PDGFD: variants seen among roughly 807,000 people sequenced by gnomAD.
The protein encoded by PDGFD is platelet-derived growth factor D.
A neutral mutation model predicts 44.7 loss-of-function variants in PDGFD; 30 were observed. The observed-to-expected ratio is 0.67, with a 90% confidence interval of 0.50 to 0.91. PDGFD has a LOEUF of 0.91. PDGFD is among the 40% of genes least tolerant of loss of function. The probability of loss-of-function intolerance (pLI) is 0.00; values close to 1 mark genes in which losing one functional copy is unlikely to be tolerated. For synonymous variants in PDGFD, 173 were observed against 168.4 expected (o/e 1.03, Z -0.21); for missense variants, 445 against 457.8 (o/e 0.97, Z 0.25).
At chr11:103,986,985 A>T (rs533307979) in intron 3 of PDGFD, among the ~76,000 whole-genome samples, 7 of 152,214 alleles carry the variant, frequency 4.6e-5, no homozygotes, top group East Asian at 1.9e-4. Flanking sequence ...GCAACCAGGA[A>T]CTGACTGAGC....
At chr11:103,916,552 C>A (rs1181025512) in intron 6 of PDGFD, among the ~76,000 whole-genome samples, 1 of 152,040 alleles carries the variant, frequency 6.6e-6, no homozygotes, top group Non-Finnish European at 1.5e-5. Context: ...GATCTAGAAC[C>A]AGAAATATCA....
At chr11:104,146,362 T>C (rs1047949304) in intron 1 of PDGFD, among the ~76,000 whole-genome samples, 3 of 152,180 alleles carry the variant, frequency 2.0e-5, no homozygotes, top group South Asian at 2.1e-4. Context: ...ACAATTGCCA[T>C]GGACATCAGT....
intron 1 of PDGFD, among the ~76,000 whole-genome samples, chr11:104,126,390 T>C (rs1861841391): frequency 6.6e-6 from 1 of 152,110 alleles, no homozygotes; most frequent in African/African-American, 2.4e-5. Flanking sequence ...CTAAAAGACA[T>C]CATCAGTATC....
intron 1 of PDGFD, among the ~76,000 whole-genome samples, chr11:104,083,854 C>T (rs1184183805): frequency 6.6e-6 from 1 of 152,092 alleles, no homozygotes; most frequent in Non-Finnish European, 1.5e-5. Flanking sequence ...GGCAGCATTG[C>T]CAGATAGACA....
intron 1 of PDGFD, among the ~76,000 whole-genome samples, chr11:104,160,365 C>T (rs1862371465): frequency 6.6e-6 from 1 of 152,136 alleles, no homozygotes; most frequent in Non-Finnish European, 1.5e-5. Context: ...ATTCTAAAGC[C>T]CCTAGGCAGG....
At chr11:104,084,479 T>C (rs1289182170) in intron 1 of PDGFD, among the ~76,000 whole-genome samples, 1 of 151,928 alleles carries the variant, frequency 6.6e-6, no homozygotes, top group African/African-American at 2.4e-5. Context: ...AAAAGTGCAG[T>C]GGAAATGTAA....
intron 1 of PDGFD, among the ~76,000 whole-genome samples, chr11:104,049,675 A>G (rs945794079): frequency 2.0e-5 from 3 of 152,102 alleles, no homozygotes; most frequent in African/African-American, 7.2e-5. Flanking sequence ...AGAAAGATAA[A>G]CCAATGAGGT....
At chr11:104,132,380 T>A (rs533708892) in intron 1 of PDGFD, among the ~76,000 whole-genome samples, 34 of 152,122 alleles carry the variant, frequency 2.2e-4, no homozygotes, top group Non-Finnish European at 4.7e-4. Context: ...TTTTCTGCTC[T>A]GTACAGAGAT....
rs114342136 is a variant in PDGFD, at chr11:104,058,874, G to A, written c.125-58619C>T. Among the ~76,000 whole-genome samples, 1,505 of 152,198 alleles carry A rather than the reference G, an allele frequency of 9.9e-3. 22 individuals carry two copies. Among genetic ancestry groups the A allele is most frequent in the African/African-American group, 0.034 (1,409 of 41,500 alleles). ...AAGCATTATGCTAAGTGAAAGAAGC[G>A]AGACACACAAGGCTGTATACTGCAT... On this transcript the variant is annotated intron_variant, in intron 1 of 6. Coordinates refer to ENST00000393158, the MANE Select transcript of PDGFD (RefSeq NM_025208.5).
At chr11:104,019,491 TATTAA>T (rs1356253183) in intron 1 of PDGFD, among the ~76,000 whole-genome samples, 1 of 152,210 alleles carries the variant, frequency 6.6e-6, no homozygotes, top group Non-Finnish European at 1.5e-5. Flanking sequence ...AACCAAAAAC[TATTAA>T]CATATTTATT....
chr11:104,013,255 C>T (rs1401985371), intron 1 of PDGFD, among the ~76,000 whole-genome samples: 2 of 152,144 alleles, frequency 1.3e-5, no homozygotes, highest in Non-Finnish European at 2.9e-5. Context: ...AAAACCTCCA[C>T]ATTCACCATC....
At chr11:103,969,474 G>GTTTTTTTTTTTTTGTTTT (rs1859069189) in intron 3 of PDGFD, among the ~76,000 whole-genome samples, 1 of 89,808 alleles carries the variant, frequency 1.1e-5, no homozygotes, top group East Asian at 4.0e-4. Context: ...ACCAAGCCTG[G>GTTTTTTTTTTTTTGTTTT]TTTTTTTTTT....
At chr11:103,956,021 T>C (rs1858839566) in intron 3 of PDGFD, among the ~76,000 whole-genome samples, 1 of 152,126 alleles carries the variant, frequency 6.6e-6, no homozygotes, top group Non-Finnish European at 1.5e-5. Context: ...AGGAAATTTT[T>C]ATACTTGTTA....
chr11:103,966,348 C>T (rs1170342853), intron 3 of PDGFD, among the ~76,000 whole-genome samples: 1 of 152,140 alleles, frequency 6.6e-6, no homozygotes, highest in African/African-American at 2.4e-5. Context: ...AAATGACAGT[C>T]AATTTCTACA....
intron 2 of PDGFD, among the ~76,000 whole-genome samples, chr11:103,997,643 C>T (rs1036173942): frequency 6.6e-6 from 1 of 152,094 alleles, no homozygotes; most frequent in African/African-American, 2.4e-5. Context: ...CAAAATATTA[C>T]AATGTAAACA....
chr11:103,916,331 G>GA (rs1858124924), intron 6 of PDGFD, among the ~76,000 whole-genome samples: 1 of 150,950 alleles, frequency 6.6e-6, no homozygotes, highest in Admixed American at 6.6e-5. Flanking sequence ...ACAAACATAT[G>GA]AAAAAAACCT....
chr11:103,969,474 GTTTTTTTTTT>G (rs66571550), intron 3 of PDGFD, among the ~76,000 whole-genome samples: 6 of 89,808 alleles, frequency 6.7e-5, no homozygotes, highest in East Asian at 4.0e-4. Context: ...ACCAAGCCTG[GTTTTTTTTTT>G]TTTTTTTTTT....
intron 1 of PDGFD, among the ~76,000 whole-genome samples, chr11:104,105,389 C>T (rs1322538425): frequency 4.6e-5 from 7 of 152,148 alleles, no homozygotes; most frequent in Non-Finnish European, 7.4e-5. Flanking sequence ...AAATAAAATG[C>T]CTGCTAGATA....
At chr11:104,076,004 G>A (rs1860953156) in intron 1 of PDGFD, among the ~76,000 whole-genome samples, 1 of 152,158 alleles carries the variant, frequency 6.6e-6, no homozygotes, top group Non-Finnish European at 1.5e-5. Flanking sequence ...ACCTGTCAAG[G>A]AAGAGACCAG....
Sources: gnomAD v4.1 joint callset for allele counts (sites outside exome capture counted in the v4.1 genomes callset) on GRCh38, gnomAD v4.1.1 for gene constraint, MANE v1.5 for transcripts, NCBI Gene and HGNC (gene_info 2026-07-23, HGNC 2026-07-21) for gene names.